Variants in PRELID2 observed in about 807,000 individuals in gnomAD.
The protein encoded by PRELID2 is PRELI domain containing 2, also known as PRELI domain-containing protein 2.
In PRELID2, 25 loss-of-function variants were observed where a neutral mutation model predicts 28.4. The observed-to-expected ratio is 0.88, with a 90% CI of 0.64 to 1.23. The LOEUF is 1.23. PRELID2 is among the 50% of genes most tolerant of loss of function. PRELID2 has a pLI of 0.00. For synonymous variants in PRELID2, 76 were observed against 71.6 expected, an observed-to-expected ratio of 1.06 and a Z score of -0.31; for missense variants, 201 against 214.4, an observed-to-expected ratio of 0.94 and a Z score of 0.39.
At chr5:145,435,076 T>C in the PRELID2 span, among the ~76,000 whole-genome samples, 1 of 152,246 alleles carries the variant, frequency 6.6e-6, no homozygotes, top group Non-Finnish European at 1.5e-5. Flanking sequence ...GGCTAAGCAC[T>C]GCTGTAGCAG....
chr5:145,337,686 A>AATT, the PRELID2 span, among the ~76,000 whole-genome samples: 1 of 79,868 alleles, frequency 1.3e-5, no homozygotes, highest in African/African-American at 5.0e-5. Flanking sequence ...GCATAGGGCA[A>AATT]ATATATATAT....
chr5:145,765,041 C>A, intron 5 of PRELID2, 41 bp from the exon 6 acceptor site: 1 of 1,342,936 alleles, frequency 7.4e-7, no homozygotes, highest in Non-Finnish European at 1.0e-6. Flanking sequence ...CCCTATTTCA[C>A]AGACAAGTAC....
intron 1 of PRELID2, among the ~76,000 whole-genome samples, chr5:145,654,559 T>C (rs912236807): frequency 5.3e-5 from 8 of 152,230 alleles, no homozygotes; most frequent in African/African-American, 1.9e-4. Flanking sequence ...CATGATCAAC[T>C]GGGCTTCAGC....
At chr5:145,229,982 C>T in the PRELID2 span, 18 of 736,916 alleles carry the variant, frequency 2.4e-5, no homozygotes, top group South Asian at 1.2e-4. Flanking sequence ...TTGATGACAC[C>T]GGGTTCATCA....
chr5:145,779,781 A>C (rs565053439), intron 5 of PRELID2, among the ~76,000 whole-genome samples: 315 of 152,310 alleles, frequency 2.1e-3, no homozygotes, highest in African/African-American at 6.9e-3. Flanking sequence ...GAGAGAGGTT[A>C]AGTTCATCCA....
intron 5 of PRELID2, among the ~76,000 whole-genome samples, chr5:145,793,223 G>A (rs1311320148): frequency 6.6e-6 from 1 of 152,112 alleles, no homozygotes; most frequent in African/African-American, 2.4e-5. Flanking sequence ...CACAGAATAC[G>A]TATGACCTCA....
chr5:145,249,521 T>C, the PRELID2 span, among the ~76,000 whole-genome samples: 1 of 152,150 alleles, frequency 6.6e-6, no homozygotes, highest in East Asian at 1.9e-4. Context: ...GTTTTTTTCT[T>C]TCTAGAGTTT....
the PRELID2 span, among the ~76,000 whole-genome samples, chr5:145,275,822 C>T: frequency 6.6e-6 from 1 of 152,138 alleles, no homozygotes; most frequent in Non-Finnish European, 1.5e-5. Context: ...CCTGCCTCTA[C>T]CACTTACCAG....
At chr5:145,278,623 T>C in the PRELID2 span, among the ~76,000 whole-genome samples, 1 of 152,118 alleles carries the variant, frequency 6.6e-6, no homozygotes, top group Non-Finnish European at 1.5e-5. Flanking sequence ...CTACATAACA[T>C]AATCATGGAG....
chr5:145,445,506 A>G, the PRELID2 span, among the ~76,000 whole-genome samples: 2 of 147,878 alleles, frequency 1.4e-5, no homozygotes, highest in African/African-American at 5.3e-5. Context: ...ACAGAAAACA[A>G]AAACAAAAAT....
Position 145,565,686 on chromosome 5 carries a change from C to G in PRELID2, n.71-92371G>C, listed in dbSNP as rs80238347. Among the ~76,000 whole-genome samples, 829 of 152,322 alleles carry G rather than the reference C, an allele frequency of 5.4e-3. 16 individuals carry two copies. Among genetic ancestry groups the G allele is most frequent in the African/African-American group, 0.019 (774 of 41,564 alleles). ...ATTTACTGGGTCACTTAACTGAAAA[C>G]TCCAGTAGTAAATCTGTGCCTGGAT... is the stretch of plus-strand genomic sequence containing the variant. On this transcript the variant is annotated intron_variant and non_coding_transcript_variant, in intron 1 of 2. Transcript: ENST00000510259.
the PRELID2 span, among the ~76,000 whole-genome samples, chr5:145,402,919 TAC>T: frequency 6.6e-6 from 1 of 152,158 alleles, no homozygotes; most frequent in Non-Finnish European, 1.5e-5. Context: ...GCCATCCAGA[TAC>T]TATACACTGA....
chr5:145,518,898 G>C (rs368173445), intron 1 of PRELID2, among the ~76,000 whole-genome samples: 25 of 152,290 alleles, frequency 1.6e-4, no homozygotes, highest in African/African-American at 6.0e-4. Context: ...ATAGTTCTGA[G>C]GTTGAGAAAC....
the PRELID2 span, among the ~76,000 whole-genome samples, chr5:145,419,730 TTTAA>T: frequency 4.8e-3 from 724 of 152,252 alleles, 4 homozygotes; most frequent in African/African-American, 0.016. Flanking sequence ...AGCTCTTTAG[TTTAA>T]TTAGATCCCA....
intron 1 of PRELID2, among the ~76,000 whole-genome samples, chr5:145,606,650 T>A (rs1299826409): frequency 5.9e-5 from 9 of 152,210 alleles, no homozygotes; most frequent in Admixed American, 5.9e-4. Flanking sequence ...TTTGATGTGC[T>A]GCTGGATTCA....
At chr5:145,423,914 G>A in the PRELID2 span, among the ~76,000 whole-genome samples, 11 of 149,072 alleles carry the variant, frequency 7.4e-5, no homozygotes, top group East Asian at 2.0e-4. Flanking sequence ...ATGGGTTTTT[G>A]GTGTGGATGT....
the PRELID2 span, among the ~76,000 whole-genome samples, chr5:145,456,439 T>C: frequency 6.6e-6 from 1 of 152,188 alleles, no homozygotes; most frequent in Non-Finnish European, 1.5e-5. Flanking sequence ...CCAGCCATTT[T>C]TGGTGCCTTC....
the PRELID2 span, among the ~76,000 whole-genome samples, chr5:145,397,938 G>A: frequency 6.6e-6 from 1 of 152,142 alleles, no homozygotes; most frequent in Non-Finnish European, 1.5e-5. Context: ...CCCTTCAGAT[G>A]AGCAAGAATG....
At chr5:145,818,515 G>C (rs1754533353) in intron 3 of PRELID2, among the ~76,000 whole-genome samples, 1 of 152,148 alleles carries the variant, frequency 6.6e-6, no homozygotes. Context: ...AGGCAGAATT[G>C]TACAAGTCAG....
Sources: gnomAD v4.1 joint callset for allele counts (sites outside exome capture counted in the v4.1 genomes callset) on GRCh38, gnomAD v4.1.1 for gene constraint, MANE v1.5 for transcripts, NCBI Gene and HGNC (gene_info 2026-07-23, HGNC 2026-07-21) for gene names.